PTPRD: variants seen among roughly 807,000 people sequenced by gnomAD.
PTPRD encodes the protein receptor-type tyrosine-protein phosphatase delta.
In PTPRD, 34 loss-of-function variants were observed where a neutral mutation model predicts 214.5. The ratio of observed to expected loss-of-function variants is 0.16; its 90% confidence interval spans 0.12 to 0.21. The LOEUF (loss-of-function observed/expected upper bound fraction) is 0.21. PTPRD is among the 10% of genes least tolerant of loss of function. The probability of loss-of-function intolerance (pLI) is 1.00; values close to 1 mark genes in which losing one functional copy is unlikely to be tolerated. For synonymous variants in PTPRD, 1,128 were observed against 845.7 expected, an observed-to-expected ratio of 1.33 and a Z score of -5.79; for missense variants, 2,545 against 2,398.7, an observed-to-expected ratio of 1.06 and a Z score of -1.27.
intron 17 of PTPRD, among the ~76,000 whole-genome samples, chr9:8,526,393 A>G (rs1372471661): frequency 6.6e-6 from 1 of 152,050 alleles, no homozygotes; most frequent in Non-Finnish European, 1.5e-5. Flanking sequence ...AGCATATCAC[A>G]ACTTAAATAA....
At chr9:10,161,192 T>G (rs2099125278) in intron 3 of PTPRD, among the ~76,000 whole-genome samples, 1 of 151,830 alleles carries the variant, frequency 6.6e-6, no homozygotes, top group Admixed American at 6.6e-5. Context: ...AATAACATTA[T>G]TCACACAAAT....
intron 8 of PTPRD, among the ~76,000 whole-genome samples, chr9:9,464,995 T>G (rs1470359564): frequency 1.3e-5 from 2 of 152,214 alleles, no homozygotes; most frequent in African/African-American, 4.8e-5. Context: ...ATAATTGAAG[T>G]TTCTTGTGAG....
intron 2 of PTPRD, among the ~76,000 whole-genome samples, chr9:10,482,126 T>C (rs112794473): frequency 0.017 from 2,651 of 151,714 alleles, 51 homozygotes; most frequent in African/African-American, 0.04. Context: ...AATCCCAGCA[T>C]TTTGGGAGGC....
chr9:9,544,746 G>C (rs1323028240), intron 8 of PTPRD, among the ~76,000 whole-genome samples: 1 of 151,410 alleles, frequency 6.6e-6, no homozygotes, highest in African/African-American at 2.4e-5. Context: ...ACACTAATAG[G>C]TCTAAGCTTT....
At chr9:9,913,410 C>T (rs1180432973) in intron 5 of PTPRD, among the ~76,000 whole-genome samples, 1 of 151,746 alleles carries the variant, frequency 6.6e-6, no homozygotes, top group Non-Finnish European at 1.5e-5. Flanking sequence ...GAAAAAAAAA[C>T]AAAACAGAGT....
At chr9:10,024,744 A>G (rs2096888486) in intron 4 of PTPRD, among the ~76,000 whole-genome samples, 1 of 149,016 alleles carries the variant, frequency 6.7e-6, no homozygotes, top group South Asian at 2.2e-4. Context: ...CTCGTCATTT[A>G]GCATTAGGTA....
In PTPRD at chr9:9,016,021, G is replaced by A. The variant is rs191272695; in HGVS notation, c.-104+2676C>T. On this transcript the variant is annotated intron_variant, in intron 11 of 45. Transcript: ENST00000381196. ...TTAAAGCACAGGCAGCAGGACTTGA[G>A]GAATTTGCTGTTAACTGCCAAAGGA... 2.4e-3 allele frequency among the ~76,000 whole-genome samples: 366 copies of A among 152,134 alleles called. 2 individuals are homozygous for A. Among genetic ancestry groups the A allele is most frequent in the Middle Eastern group, 6.8e-3 (2 of 294 alleles).
chr9:8,465,663 T>C lies in PTPRD; in HGVS notation c.3517A>G (p.Ile1173Val). Residue 1173 changes from isoleucine (I) to valine (V), a missense_variant, in exon 32 of 46, where the codon ATA (isoleucine) becomes GTA (valine). Transcript: ENST00000381196. ...EMELDELLKE[I>V]SRKRRSIRYG... is the part of the protein sequence containing the mutation. ...CGGATGCTTCTGCGCTTCCTAGATA[T>C]CTCCTTAAGCAGCTTAAGGAAAAAA... 6.2e-7 allele frequency: 1 copy of C among 1,611,096 alleles called. No homozygotes were observed. Among genetic ancestry groups the C allele is most frequent in the Non-Finnish European group, 8.5e-7 (1 of 1,178,354 alleles).
intron 8 of PTPRD, among the ~76,000 whole-genome samples, chr9:9,516,730 G>A (rs997105449): frequency 5.9e-4 from 89 of 151,866 alleles, no homozygotes; most frequent in Non-Finnish European, 1.5e-4. Flanking sequence ...TAAAGACGGG[G>A]CTTCGCTATG....
intron 10 of PTPRD, chr9:9,091,185 AC>A: frequency 1.3e-6 from 2 of 1,530,268 alleles, no homozygotes; most frequent in Non-Finnish European, 8.9e-7. Flanking sequence ...AGGACCGAAC[AC>A]CCCCACCCCG....
At chr9:8,412,687 C>T (rs947692870) in intron 35 of PTPRD, among the ~76,000 whole-genome samples, 1 of 152,192 alleles carries the variant, frequency 6.6e-6, no homozygotes, top group African/African-American at 2.4e-5. Flanking sequence ...CAAGGAATAT[C>T]TGCATTCTCC....
chr9:8,486,932 C>A (rs1262735736), intron 27 of PTPRD, among the ~76,000 whole-genome samples: 1 of 152,028 alleles, frequency 6.6e-6, no homozygotes, highest in Non-Finnish European at 1.5e-5. Flanking sequence ...TAAGGCAAAC[C>A]CACCTCTGTC....
At chr9:8,499,964 T>C in intron 24 of PTPRD, 124 bp from the exon 25 acceptor site, 1 of 653,754 alleles carries the variant, frequency 1.5e-6, no homozygotes, top group Non-Finnish European at 2.3e-6. Flanking sequence ...ATGTTTTCTT[T>C]GAAGAATACA....
intron 11 of PTPRD, among the ~76,000 whole-genome samples, chr9:8,851,631 A>G (rs2097816703): frequency 6.6e-6 from 1 of 152,208 alleles, no homozygotes; most frequent in Non-Finnish European, 1.5e-5. Context: ...GTGTTCTTGA[A>G]TATGGTATGT....
intron 8 of PTPRD, among the ~76,000 whole-genome samples, chr9:9,415,026 G>A (rs1256381027): frequency 1.3e-5 from 2 of 152,122 alleles, no homozygotes; most frequent in Non-Finnish European, 2.9e-5. Context: ...CGAGAGGACT[G>A]CATTTTCATT....
At position 8,679,791 on chromosome 9, in the gene PTPRD, C is replaced by A. The variant is rs184812813; in HGVS notation, c.65-42947G>T. ...TCCTGCCTGCTGAGCTCTTCTTCCA[C>A]TAGTCATTACAACTACTTCTTTGGA... On this transcript the variant is annotated intron_variant, in intron 12 of 45. Transcript: ENST00000381196. Among the ~76,000 whole-genome samples, 449 of 151,566 alleles carry A rather than the reference C, an allele frequency of 3.0e-3. 4 individuals carry two copies. Among genetic ancestry groups the A allele is most frequent in the African/African-American group, 0.01 (421 of 40,956 alleles).
intron 3 of PTPRD, among the ~76,000 whole-genome samples, chr9:10,130,561 A>T (rs568086581): frequency 6.6e-6 from 1 of 152,240 alleles, no homozygotes; most frequent in South Asian, 2.1e-4. Context: ...TCATCAACCA[A>T]ATATTGGCAG....
chr9:10,455,101 C>T (rs561727750), intron 2 of PTPRD, among the ~76,000 whole-genome samples: 18 of 151,778 alleles, frequency 1.2e-4, no homozygotes, highest in African/African-American at 4.3e-4. Context: ...TTCTGTCTCC[C>T]CACATTTTAA....
chr9:8,417,893 T>C (rs1009320137), intron 35 of PTPRD, among the ~76,000 whole-genome samples: 1 of 152,264 alleles, frequency 6.6e-6, no homozygotes, highest in Non-Finnish European at 1.5e-5. Flanking sequence ...TTTCAAAAAC[T>C]AGCTTTAGTT....
Sources: gnomAD v4.1 joint callset for allele counts (sites outside exome capture counted in the v4.1 genomes callset) on GRCh38, gnomAD v4.1.1 for gene constraint, MANE v1.5 for transcripts, NCBI Gene and HGNC (gene_info 2026-07-23, HGNC 2026-07-21) for gene names.